EPRS1: variants seen among roughly 807,000 people sequenced by gnomAD.
The protein encoded by EPRS1 is bifunctional glutamate/proline--tRNA ligase.
EPRS1 carries 107 observed loss-of-function variants against 188.3 expected under a neutral mutation model. The ratio of observed to expected loss-of-function variants is 0.57; its 90% CI spans 0.49 to 0.67. EPRS1 has a LOEUF of 0.67. EPRS1 is among the 30% of genes least tolerant of loss of function. The pLI is 0.00. For synonymous variants in EPRS1, 596 were observed against 593.1 expected (o/e 1.00, Z -0.07); for missense variants, 1,577 against 1,802.2 (o/e 0.88, Z 2.26).
At chr1:220,019,917 T>C (rs1296017213) in intron 10 of EPRS1, 71 bp downstream of exon 10, 6 of 1,048,856 alleles carry the variant, frequency 5.7e-6, no homozygotes, top group Non-Finnish European at 4.4e-6. Flanking sequence ...TCCCTATCTC[T>C]CAAGCAGTTT....
Position 220,024,296 on chromosome 1 carries a change from T to C in EPRS1, c.911A>G (p.Glu304Gly). Reference protein sequence around the residue: ...TPAEQMKAEREQRIDSKHRKN... With the variant: ...TPAEQMKAERGQRIDSKHRKN... Reference sequence around the variant, plus strand: ...TCTATGTTTAGAGTCTATCCTCTGCTCACGTTCTGCTTTCATCTGTTCAGC... The same window carrying C: ...TCTATGTTTAGAGTCTATCCTCTGCCCACGTTCTGCTTTCATCTGTTCAGC... Residue 304 changes from glutamate (E) to glycine (G), a missense_variant, in exon 8 of 32, where the codon GAG becomes GGG. Physicochemically the swap from Glu to Gly is moderately conservative, Grantham distance 98 (BLOSUM62 -2). This residue lies in a region of EPRS1 where 1,278 missense variants were observed against 1,457.4 expected (regional missense o/e 0.88). Transcript: ENST00000366923. 1 of 1,605,826 alleles carries C rather than the reference T, an allele frequency of 6.2e-7. No homozygotes were observed. The highest frequency in any genetic ancestry group is 1.7e-5 in the Admixed American group (1 of 57,386).
intron 17 of EPRS1, among the ~76,000 whole-genome samples, chr1:220,000,214 A>G (rs572362355): frequency 8.5e-5 from 13 of 152,352 alleles, no homozygotes; most frequent in Admixed American, 7.2e-4. Flanking sequence ...TATGTAAAAA[A>G]TGATAGGCAC....
chr1:220,024,669 G>C (rs757331108), intron 7 of EPRS1, among the ~76,000 whole-genome samples: 15 of 152,290 alleles, frequency 9.8e-5, no homozygotes, highest in Non-Finnish European at 1.8e-4. Context: ...TGAGAAAGCT[G>C]ATCTCACGAT....
In EPRS1 at chr1:219,997,170, A is replaced by G. The variant is rs1661252651; in HGVS notation, c.2354T>C (p.Leu785Ser). 1 of 1,613,986 alleles carries G rather than the reference A, an allele frequency of 6.2e-7. No homozygotes were observed. The highest frequency in any genetic ancestry group is 2.2e-5 in the East Asian group (1 of 44,868). The change falls in exon 18 of 32, where the codon TTG becomes TCG. Residue 785 changes from leucine to serine, a missense_variant. Leu to Ser is a moderately radical substitution (Grantham distance 145). Coordinates refer to ENST00000366923, the MANE Select transcript of EPRS1 (RefSeq NM_004446.3). ...CTCCTTATATTCAGCTTTCAAAGAC[A>G]AAAGCTGTTTTACAGCTGCATCTAC... ...EDVDAAVKQL[L>S]SLKAEYKEKT...
At chr1:220,033,295 C>T (rs529403692) in intron 4 of EPRS1, among the ~76,000 whole-genome samples, 3 of 134,732 alleles carry the variant, frequency 2.2e-5, no homozygotes, top group African/African-American at 2.7e-5. Flanking sequence ...GACGACGGGA[C>T]GGCAGAAAAA....
chr1:220,001,475 C>T (rs1661350831), intron 16 of EPRS1, among the ~76,000 whole-genome samples: 1 of 152,144 alleles, frequency 6.6e-6, no homozygotes, highest in African/African-American at 2.4e-5. Flanking sequence ...AAGTGATTCT[C>T]CTGCCTCAGC....
At chr1:220,002,225 T>C (rs1661367463) in intron 16 of EPRS1, among the ~76,000 whole-genome samples, 3 of 151,026 alleles carry the variant, frequency 2.0e-5, no homozygotes, top group African/African-American at 7.3e-5. Flanking sequence ...CCAGCTACTT[T>C]GGAGGCTGGG....
Position 220,017,137 on chromosome 1 carries a change from C to T in EPRS1, c.1494+1312G>A, listed in dbSNP as rs568779190. On this transcript the variant is annotated intron_variant, in intron 12 of 31. Transcript: ENST00000366923. ...CTGAGGCAGGAGAATCGCTTGAACC[C>T]GGGAGGCAGAGGTTGCAGTGAGCCT... 1.2e-4 allele frequency among the ~76,000 whole-genome samples: 19 copies of T among 152,020 alleles called. No individual in the cohort carries two copies. The East Asian group carries it at 2.5e-3, about 20-fold the overall frequency.
intron 18 of EPRS1, among the ~76,000 whole-genome samples, chr1:219,990,650 T>C (rs539769902): frequency 7.2e-5 from 11 of 152,260 alleles, no homozygotes; most frequent in African/African-American, 2.4e-4. Flanking sequence ...AAAACAAAGA[T>C]CTAAATGTGC....
chr1:219,996,871 A>T, intron 18 of EPRS1, 112 bp downstream of exon 18: 2 of 1,168,302 alleles, frequency 1.7e-6, no homozygotes, highest in Non-Finnish European at 2.4e-6. Flanking sequence ...ATCAATGTTG[A>T]TTATTACATC....
At position 220,007,281 on chromosome 1, in the gene EPRS1, C is replaced by T; in HGVS notation, c.1663G>A (p.Ala555Thr). 1 of 1,613,870 alleles carries T rather than the reference C, an allele frequency of 6.2e-7. No individual in the cohort carries two copies. Among genetic ancestry groups the T allele is most frequent in the Non-Finnish European group, 8.5e-7 (1 of 1,179,798 alleles). The stretch of plus-strand genomic sequence containing the variant: ...CCCTCCGAAAAAGTCTCTGCATCAG[C>T]ACCTTCAATGAAAACTTTGGGACTA... The part of the protein sequence containing the change: ...WYSPKVFIEG[A>T]DAETFSEGEM... The change falls in exon 14 of 32, where the codon GCT becomes ACT. Residue 555 changes from alanine to threonine, a missense_variant. Ala to Thr is a moderately conservative substitution (Grantham distance 58). Coordinates refer to ENST00000366923, the MANE Select transcript of EPRS1 (RefSeq NM_004446.3).
Position 220,039,620 on chromosome 1 carries a change from G to A in EPRS1, c.131+565C>T, listed in dbSNP as rs1047331056. On this transcript the variant is annotated intron_variant, in intron 2 of 31. Coordinates refer to ENST00000366923, the MANE Select transcript of EPRS1 (RefSeq NM_004446.3). ...TGCAACCTCCGCCTCCCAGGTTCAA[G>A]CAATTCTCCTGCCTCAGCCTCCCAG... is the stretch of plus-strand genomic sequence containing the variant. Among the ~76,000 whole-genome samples the A allele has an allele frequency of 4.2e-4, 64 of 151,578 alleles. 2 individuals are homozygous for A. The highest frequency in any genetic ancestry group is 3.9e-4 in the Admixed American group (6 of 15,214).
intron 9 of EPRS1, among the ~76,000 whole-genome samples, chr1:220,022,063 G>T (rs1661887049): frequency 6.6e-6 from 1 of 151,622 alleles, no homozygotes. Context: ...ACCTAAAGAT[G>T]TACATCACAG....
intron 17 of EPRS1, among the ~76,000 whole-genome samples, chr1:219,998,575 G>A (rs750337930): frequency 7.8e-6 from 1 of 128,752 alleles, no homozygotes; most frequent in Non-Finnish European, 1.6e-5. Context: ...ACAGTGTCTT[G>A]CTCTGCCGCC....
In EPRS1 at chr1:219,971,795, T is replaced by TATATATATATATATATATACACAC. The variant is rs140568859; in HGVS notation, c.4323+273_4323+274insGTGTGTATATATATATATATATAT. 1.8e-3 allele frequency among the ~76,000 whole-genome samples: 195 copies of TATATATATATATATATATACACAC among 108,414 alleles called. 15 individuals carry two copies. The highest frequency in any genetic ancestry group is 4.4e-3 in the African/African-American group (138 of 31,278). The allele number at this position is 108,414 out of a possible 152,430, so 71.1% of individuals were successfully genotyped here. ...GTAGAAAACAAAGACTATATATATATACATATACACACACACTATATTTAT... is the reference window on the plus strand; with the variant it reads ...GTAGAAAACAAAGACTATATATATATATATATATATATATATATACACACACATATACACACACACTATATTTAT... On this transcript the variant is annotated intron_variant, in intron 30 of 31. Coordinates refer to ENST00000366923, the MANE Select transcript of EPRS1 (RefSeq NM_004446.3).
At chr1:219,983,467 T>C in intron 21 of EPRS1, 69 bp from the exon 22 acceptor site, 1 of 1,115,200 alleles carries the variant, frequency 9.0e-7, no homozygotes, top group Non-Finnish European at 1.3e-6. Flanking sequence ...GGCAAGAGTA[T>C]GATAACCAAA....
chr1:220,005,910 T>C (rs2102580179), intron 15 of EPRS1, among the ~76,000 whole-genome samples, 196 bp downstream of exon 15: 1 of 138,260 alleles, frequency 7.2e-6, no homozygotes, highest in Non-Finnish European at 1.5e-5. Context: ...GCTCAAGCGA[T>C]CCACCCATCT....
intron 6 of EPRS1, among the ~76,000 whole-genome samples, chr1:220,027,427 CAAA>C (rs35659781): frequency 6.9e-4 from 96 of 138,140 alleles, no homozygotes; most frequent in Admixed American, 6.5e-4. Flanking sequence ...GACTCCATCT[CAAA>C]AAAAAAAAAA....
chr1:220,031,371 CA>C lies in EPRS1; in HGVS notation c.529-892del, dbSNP rs1328570141. Among the ~76,000 whole-genome samples, 3 of 152,126 alleles carry C rather than the reference CA, an allele frequency of 2.0e-5. No individual in the cohort carries two copies. The East Asian group carries it at 5.8e-4, about 29-fold the overall frequency. ...TACCCTGAACTAGAGAAAGATGAGA[CA>C]AAAGGAAGTTTAGTTATGAGATTAT... On this transcript the variant is annotated intron_variant, in intron 5 of 31. Transcript: ENST00000366923.
Sources: allele counts gnomAD v4.1 joint callset (sites outside exome capture counted in the v4.1 genomes callset), GRCh38; gene constraint gnomAD v4.1.1; regional missense constraint gnomAD v4.1.1; transcripts MANE v1.5; gene names NCBI Gene and HGNC (gene_info 2026-07-23, HGNC 2026-07-21).